TRMT11: variants seen among roughly 807,000 people sequenced by gnomAD.
TRMT11 encodes tRNA (guanine(10)-N(2))-methyltransferase TRMT11.
A neutral mutation model predicts 62.8 loss-of-function variants in TRMT11; 53 were observed. The ratio of observed to expected loss-of-function variants is 0.84; its 90% confidence interval spans 0.68 to 1.06. The LOEUF (loss-of-function observed/expected upper bound fraction) is 1.06. Ranked by LOEUF, TRMT11 falls within the 50% of genes least tolerant of loss-of-function variation. The pLI is 0.00. For missense variants in TRMT11, 556 were observed against 553.4 expected (o/e 1.00, Z -0.05); for synonymous variants, 188 against 190.3 (o/e 0.99, Z 0.10).
At chr6:126,073,419 A>G in intron 17 of TRMT11, among the ~76,000 whole-genome samples, 1 of 152,206 alleles carries the variant, frequency 6.6e-6, no homozygotes, top group South Asian at 2.1e-4. Flanking sequence ...CATATTGATA[A>G]TTCCATTTTT....
At chr6:126,034,076 C>T (rs757223264) in intron 12 of TRMT11, among the ~76,000 whole-genome samples, 4 of 151,940 alleles carry the variant, frequency 2.6e-5, no homozygotes, top group Non-Finnish European at 5.9e-5. Context: ...ACCCACTAAT[C>T]CACCATGTGG....
At chr6:126,232,832 C>G in the TRMT11 span, among the ~76,000 whole-genome samples, 1 of 152,164 alleles carries the variant, frequency 6.6e-6, no homozygotes, top group Non-Finnish European at 1.5e-5. Context: ...TTATGTGAAG[C>G]ATCCCTTTCT....
At chr6:126,229,374 C>T in the TRMT11 span, among the ~76,000 whole-genome samples, 1 of 152,178 alleles carries the variant, frequency 6.6e-6, no homozygotes, top group African/African-American at 2.4e-5. Flanking sequence ...AGCAGTGACT[C>T]ATACTCATTG....
At chr6:126,235,874 A>G in the TRMT11 span, among the ~76,000 whole-genome samples, 1 of 152,210 alleles carries the variant, frequency 6.6e-6, no homozygotes, top group Non-Finnish European at 1.5e-5. Flanking sequence ...AGTTGGAAAT[A>G]AAAAAACAGA....
downstream of TRMT11, among the ~76,000 whole-genome samples, chr6:126,205,415 A>C (rs1271356141): frequency 6.6e-6 from 1 of 152,114 alleles, no homozygotes; most frequent in Admixed American, 6.5e-5. Context: ...GAGGCAGGAG[A>C]ATTACTTGAA....
the TRMT11 span, among the ~76,000 whole-genome samples, chr6:126,220,337 A>G: frequency 6.6e-6 from 1 of 152,234 alleles, no homozygotes; most frequent in East Asian, 1.9e-4. Context: ...ACGGAGAAGC[A>G]GCTTGCTTAA....
intron 17 of TRMT11, among the ~76,000 whole-genome samples, chr6:126,111,195 A>C (rs1156240042): frequency 6.6e-6 from 1 of 152,094 alleles, no homozygotes; most frequent in Non-Finnish European, 1.5e-5. Flanking sequence ...CTTGGATAAT[A>C]ATAACAAGCT....
the TRMT11 span, among the ~76,000 whole-genome samples, chr6:126,252,202 C>T: frequency 4.6e-4 from 70 of 152,314 alleles, no homozygotes; most frequent in Middle Eastern, 6.8e-3. Context: ...CTGGGTGACT[C>T]CAGTGGCAGA....
the TRMT11 span, among the ~76,000 whole-genome samples, chr6:126,213,076 A>G: frequency 1.3e-5 from 2 of 151,916 alleles, no homozygotes; most frequent in African/African-American, 4.8e-5. Context: ...AAATGAGTTC[A>G]CTGTAGATGT....
chr6:126,077,853 A>G (rs1051322977), intron 17 of TRMT11, among the ~76,000 whole-genome samples: 10 of 152,188 alleles, frequency 6.6e-5, no homozygotes, highest in African/African-American at 2.4e-4. Flanking sequence ...CACAGACTAG[A>G]ACTCTCAGAA....
chr6:126,033,997 A>T (rs1005069850), intron 12 of TRMT11, among the ~76,000 whole-genome samples: 1 of 152,080 alleles, frequency 6.6e-6, no homozygotes, highest in Non-Finnish European at 1.5e-5. Context: ...TTAGATCTGA[A>T]ATATGTGCTA....
intron 21 of TRMT11, among the ~76,000 whole-genome samples, chr6:126,149,950 A>T (rs1323566194): frequency 2.0e-5 from 3 of 152,216 alleles, no homozygotes; most frequent in Non-Finnish European, 4.4e-5. Context: ...TTTGTGATAT[A>T]GGAAAACCCA....
At chr6:126,213,073 T>C in the TRMT11 span, among the ~76,000 whole-genome samples, 1 of 152,082 alleles carries the variant, frequency 6.6e-6, no homozygotes, top group South Asian at 2.1e-4. Context: ...TGAAAATGAG[T>C]TCACTGTAGA....
chr6:126,008,370 T>C (rs1339959549), intron 7 of TRMT11, 22 bp from the exon 8 acceptor site: 1 of 1,610,322 alleles, frequency 6.2e-7, no homozygotes, highest in East Asian at 2.2e-5. Flanking sequence ...GGTTAACAGG[T>C]CAAAATTGTG....
intron 1 of TRMT11, among the ~76,000 whole-genome samples, chr6:126,197,661 C>A (rs913380943): frequency 2.0e-5 from 3 of 152,168 alleles, no homozygotes; most frequent in Admixed American, 6.5e-5. Context: ...CAGACTTGTT[C>A]TTCTTCCTTT....
intron 21 of TRMT11, among the ~76,000 whole-genome samples, chr6:126,128,616 C>A (rs1777744720): frequency 6.6e-6 from 1 of 152,052 alleles, no homozygotes; most frequent in African/African-American, 2.4e-5. Flanking sequence ...ATCTTCCTTG[C>A]ACATTTTTGT....
the TRMT11 span, among the ~76,000 whole-genome samples, chr6:126,245,600 GA>G: frequency 6.6e-6 from 1 of 152,236 alleles, no homozygotes; most frequent in African/African-American, 2.4e-5. Flanking sequence ...TTAGGTAAGT[GA>G]AAACTTCTGC....
chr6:126,218,227 G>C, the TRMT11 span, among the ~76,000 whole-genome samples: 1 of 152,258 alleles, frequency 6.6e-6, no homozygotes, highest in Non-Finnish European at 1.5e-5. Flanking sequence ...TGGCTGAGTC[G>C]GTACCTAAGC....
chr6:126,144,127 C>T (rs1777949208), intron 21 of TRMT11, among the ~76,000 whole-genome samples: 1 of 152,174 alleles, frequency 6.6e-6, no homozygotes, highest in Admixed American at 6.5e-5. Context: ...ATTTCACGGT[C>T]TGGTGCTCCT....
Sources: allele counts gnomAD v4.1 joint callset (sites outside exome capture counted in the v4.1 genomes callset), GRCh38; gene constraint gnomAD v4.1.1; transcripts MANE v1.5; gene names NCBI Gene and HGNC (gene_info 2026-07-23, HGNC 2026-07-21).